Variants in ADAMTSL1 observed in about 807,000 individuals in gnomAD.
ADAMTSL1 encodes ADAMTS-like protein 1.
In ADAMTSL1, 126 loss-of-function variants were observed where a neutral mutation model predicts 201.8. That is an observed-to-expected ratio of 0.62 (90% CI 0.54 to 0.72). The LOEUF is 0.72. Ranked by LOEUF, ADAMTSL1 falls within the 30% of genes least tolerant of loss-of-function variation. The pLI, the probability that ADAMTSL1 is intolerant of heterozygous loss-of-function variation, is 0.00. For missense variants in ADAMTSL1, 2,679 were observed against 2,277.8 expected, an observed-to-expected ratio of 1.18 and a Z score of -3.59; for synonymous variants, 1,121 against 903.4, an observed-to-expected ratio of 1.24 and a Z score of -4.32.
chr9:18,891,584 T>TAACA (rs1327933586), intron 25 of ADAMTSL1, among the ~76,000 whole-genome samples: 1 of 152,240 alleles, frequency 6.6e-6, no homozygotes, highest in Non-Finnish European at 1.5e-5. Flanking sequence ...TTTTGGAACC[T>TAACA]AACATTCAGA....
chr9:18,737,188 A>G (rs568637920), intron 15 of ADAMTSL1, among the ~76,000 whole-genome samples: 22 of 152,112 alleles, frequency 1.4e-4, no homozygotes, highest in South Asian at 6.2e-4. Context: ...GCGTGATGGC[A>G]CATGCCTGTA....
At chr9:18,525,168 G>T (rs1048545189) in intron 2 of ADAMTSL1, among the ~76,000 whole-genome samples, 16 of 152,138 alleles carry the variant, frequency 1.1e-4, no homozygotes, top group South Asian at 2.1e-4. Flanking sequence ...GTTTAGTCTT[G>T]GGAGGGTGTA....
chr9:18,221,359 T>C (rs1031873865), intron 2 of ADAMTSL1, among the ~76,000 whole-genome samples: 28 of 152,234 alleles, frequency 1.8e-4, no homozygotes, highest in African/African-American at 6.5e-4. Flanking sequence ...TGAAGAATAC[T>C]CAGCCTTTAT....
intron 3 of ADAMTSL1, among the ~76,000 whole-genome samples, chr9:18,533,939 G>A (rs1438530402): frequency 6.6e-6 from 1 of 152,184 alleles, no homozygotes; most frequent in African/African-American, 2.4e-5. Context: ...AGCCCATATT[G>A]GATTTGAAGG....
intron 2 of ADAMTSL1, among the ~76,000 whole-genome samples, chr9:18,264,170 C>T (rs1314768435): frequency 6.6e-6 from 1 of 152,128 alleles, no homozygotes; most frequent in Non-Finnish European, 1.5e-5. Flanking sequence ...TAATGACCTA[C>T]TCAATCCAGT....
At chr9:18,814,206 G>T (rs1823692731) in intron 20 of ADAMTSL1, among the ~76,000 whole-genome samples, 1 of 152,220 alleles carries the variant, frequency 6.6e-6, no homozygotes, top group Non-Finnish European at 1.5e-5. Flanking sequence ...ATCTGCGTAT[G>T]TTGAACCATC....
intron 2 of ADAMTSL1, among the ~76,000 whole-genome samples, chr9:18,184,176 A>G (rs184038612): frequency 1.0e-3 from 157 of 152,310 alleles, no homozygotes; most frequent in African/African-American, 3.5e-3. Flanking sequence ...TGTTCACCAG[A>G]TAACTGCTCC....
At chr9:18,813,677 A>C (rs1335648173) in intron 20 of ADAMTSL1, among the ~76,000 whole-genome samples, 1 of 152,188 alleles carries the variant, frequency 6.6e-6, no homozygotes, top group African/African-American at 2.4e-5. Context: ...AAATCCTGCA[A>C]CTTTACTGAA....
intron 8 of ADAMTSL1, among the ~76,000 whole-genome samples, chr9:18,658,671 G>C (rs561199011): frequency 4.6e-5 from 7 of 152,204 alleles, no homozygotes; most frequent in Non-Finnish European, 1.0e-4. Context: ...TACTAGAAAA[G>C]GCTTTTGTGT....
chr9:18,180,153 T>C (rs1049622154), intron 2 of ADAMTSL1, among the ~76,000 whole-genome samples: 3 of 152,024 alleles, frequency 2.0e-5, no homozygotes, highest in Admixed American at 1.3e-4. Flanking sequence ...GAGACACACA[T>C]AGGCTCAAAA....
At chr9:18,395,715 T>C (rs1028713910) in intron 2 of ADAMTSL1, among the ~76,000 whole-genome samples, 1 of 152,168 alleles carries the variant, frequency 6.6e-6, no homozygotes, top group Non-Finnish European at 1.5e-5. Context: ...GCCTGTGTAT[T>C]TGAAACTGAC....
At chr9:18,126,172 ATTTTCT>A (rs931981591) in intron 1 of ADAMTSL1, among the ~76,000 whole-genome samples, 3 of 152,160 alleles carry the variant, frequency 2.0e-5, no homozygotes, top group Non-Finnish European at 4.4e-5. Context: ...TACTCCAGTG[ATTTTCT>A]TTAACAATTA....
intron 7 of ADAMTSL1, among the ~76,000 whole-genome samples, chr9:18,640,463 G>A (rs1827369300): frequency 6.6e-6 from 1 of 152,030 alleles, no homozygotes; most frequent in African/African-American, 2.4e-5. Context: ...CCTTGTGAGA[G>A]TTAATACACA....
intron 4 of ADAMTSL1, 99 bp downstream of exon 4, chr9:18,574,365 C>A: frequency 9.3e-7 from 1 of 1,080,704 alleles, no homozygotes; most frequent in Non-Finnish European, 1.4e-6. Flanking sequence ...CTCATCTTTA[C>A]ACTTTTTAGA....
chr9:18,117,060 T>A (rs1825282452), intron 1 of ADAMTSL1, among the ~76,000 whole-genome samples: 1 of 152,190 alleles, frequency 6.6e-6, no homozygotes, highest in Non-Finnish European at 1.5e-5. Flanking sequence ...GCAAAGAATC[T>A]TGTCTCTACC....
chr9:18,634,080 G>C (rs1826950875), intron 5 of ADAMTSL1, among the ~76,000 whole-genome samples: 1 of 151,980 alleles, frequency 6.6e-6, no homozygotes, highest in Non-Finnish European at 1.5e-5. Flanking sequence ...TGTTTTCCCT[G>C]TTTTACAAAT....
intron 1 of ADAMTSL1, among the ~76,000 whole-genome samples, chr9:17,981,595 A>C (rs1020939742): frequency 2.0e-5 from 3 of 152,138 alleles, no homozygotes; most frequent in Non-Finnish European, 2.9e-5. Flanking sequence ...TCCTTCTTCA[A>C]AGAGATTTTG....
chr9:18,569,696 A>C (rs1371296800), intron 3 of ADAMTSL1, among the ~76,000 whole-genome samples: 1 of 152,188 alleles, frequency 6.6e-6, no homozygotes, highest in South Asian at 2.1e-4. Flanking sequence ...CCATATAACT[A>C]CTAGACTTTT....
At chr9:18,406,011 G>C (rs1445049901) in intron 2 of ADAMTSL1, among the ~76,000 whole-genome samples, 1 of 152,310 alleles carries the variant, frequency 6.6e-6, no homozygotes, top group African/African-American at 2.4e-5. Context: ...TCTTGAGAAT[G>C]TTAGGTCTTG....
Sources: allele counts gnomAD v4.1 joint callset (sites outside exome capture counted in the v4.1 genomes callset), GRCh38; gene constraint gnomAD v4.1.1; transcripts MANE v1.5; gene names NCBI Gene and HGNC (gene_info 2026-07-23, HGNC 2026-07-21).